The following DHX8 variants were observed in gnomAD, a reference collection of about 807,000 sequenced individuals.
DHX8 encodes the protein DEAH-box helicase 8, also known as ATP-dependent RNA helicase DHX8.
DHX8 carries 67 observed loss-of-function variants against 140.7 expected under a neutral mutation model. The ratio of observed to expected loss-of-function variants is 0.48; its 90% confidence interval spans 0.39 to 0.58. The LOEUF is 0.58. DHX8 is among the 20% of genes least tolerant of loss of function. The probability of loss-of-function intolerance (pLI) is 0.00; values close to 1 mark genes in which losing one functional copy is unlikely to be tolerated. For synonymous variants in DHX8, 533 were observed against 553.2 expected, an observed-to-expected ratio of 0.96 and a Z score of 0.51; for missense variants, 887 against 1,550.7, an observed-to-expected ratio of 0.57 and a Z score of 7.19.
chr17:43,511,755 G>A (rs1254714268), intron 16 of DHX8, among the ~76,000 whole-genome samples: 1 of 149,936 alleles, frequency 6.7e-6, no homozygotes, highest in Non-Finnish European at 1.5e-5. Flanking sequence ...ACCACGCCTG[G>A]CAGATCCCAG....
intron 17 of DHX8, among the ~76,000 whole-genome samples, chr17:43,514,743 G>GAA (rs1189374359): frequency 6.6e-6 from 1 of 152,150 alleles, no homozygotes; most frequent in African/African-American, 2.4e-5. Context: ...TATATCAGAG[G>GAA]AAACCTGGAA....
At position 43,524,163 on chromosome 17, in the gene DHX8, T is replaced by G. The variant is rs1469998648; in HGVS notation, c.*316T>G. The G allele has an allele frequency of 8.2e-7, 1 of 1,217,670 alleles. No homozygotes were observed. Among genetic ancestry groups the G allele is most frequent in the East Asian group, 5.0e-5 (1 of 19,974 alleles). 75.4% of individuals were successfully genotyped at this position (1,217,670 alleles called of 1,614,324 possible). On this transcript the variant is annotated 3_prime_UTR_variant, in exon 23 of 23. Transcript: ENST00000262415. Reference sequence around the variant, plus strand: ...CTCCAGGATGGGAAGGTGGAGTGGGTGAGCATCTTGTGCAGGGACATGGTG... The same window carrying G: ...CTCCAGGATGGGAAGGTGGAGTGGGGGAGCATCTTGTGCAGGGACATGGTG...
chr17:43,536,092 C>G (rs1971229799), intron 2 of DHX8, among the ~76,000 whole-genome samples: 1 of 151,842 alleles, frequency 6.6e-6, no homozygotes, highest in African/African-American at 2.4e-5. Context: ...GCCTGGGTGA[C>G]AGAGCAAGAC....
intron 16 of DHX8, among the ~76,000 whole-genome samples, chr17:43,512,721 ATT>A (rs1287388999): frequency 6.6e-6 from 1 of 152,090 alleles, no homozygotes; most frequent in African/African-American, 2.4e-5. Context: ...CCCAGTGATG[ATT>A]TTTCCAAGCA....
rs1567700716 is a variant in DHX8 at position 43,523,751 on chromosome 17, A to T, written c.3567A>T (p.Leu1189=). The T allele has an allele frequency of 3.1e-6, 5 of 1,614,226 alleles. No individual in the cohort carries two copies. Among genetic ancestry groups the T allele is most frequent in the Non-Finnish European group, 4.2e-6 (5 of 1,180,042 alleles). Residue 1189 remains leucine, a synonymous_variant, in exon 23 of 23, where the codon CTA becomes CTT. Transcript: ENST00000262415. ...AFFKVSDPTK[L]SKQKKQQRLE... is the part of the protein sequence containing the mutation. ...TCAAGGTCTCAGACCCAACTAAGCT[A>T]AGCAAACAGAAGAAGCAACAGCGTC...
chr17:43,503,238 C>T (rs1969300034), intron 11 of DHX8, among the ~76,000 whole-genome samples: 1 of 152,076 alleles, frequency 6.6e-6, no homozygotes, highest in Admixed American at 6.6e-5. Flanking sequence ...TGGCTCATGC[C>T]TGTAATCCCA....
chr17:43,511,455 C>CTTTTTTTTTTTTTTTTTTTTTTTTTTTT, intron 16 of DHX8, among the ~76,000 whole-genome samples: 1 of 6,590 alleles, frequency 1.5e-4, no homozygotes, highest in Non-Finnish European at 3.1e-4. Flanking sequence ...GTGATCCCAG[C>CTTTTTTTTTTTTTTTTTTTTTTTTTTTT]ATTTTTTTTT....
chr17:43,533,613 G>A (rs1359365210), intron 2 of DHX8, among the ~76,000 whole-genome samples: 2 of 152,026 alleles, frequency 1.3e-5, no homozygotes, highest in African/African-American at 4.8e-5. Context: ...TGGTTTAGGT[G>A]GGACAGTGGG....
downstream of DHX8, chr17:43,544,747 T>G (rs1320075912): frequency 2.0e-6 from 1 of 497,588 alleles, no homozygotes; most frequent in Non-Finnish European, 3.7e-6. Context: ...TCCTCAAGCC[T>G]AGTTACACAA....
intron 16 of DHX8, among the ~76,000 whole-genome samples, chr17:43,511,290 A>C (rs1472696720): frequency 1.3e-5 from 2 of 152,196 alleles, no homozygotes; most frequent in Admixed American, 6.5e-5. Context: ...AGATCGTGCC[A>C]TTGCACTCCA....
intron 2 of DHX8, 43 bp from the exon 3 acceptor site, chr17:43,490,348 G>C: frequency 6.6e-7 from 1 of 1,513,242 alleles, no homozygotes; most frequent in Non-Finnish European, 9.2e-7. Flanking sequence ...TTTAAGCACT[G>C]ATATGGGAGC....
At position 43,492,175 on chromosome 17, in the gene DHX8, C is replaced by T. The variant is rs1968557811; in HGVS notation, c.394-8C>T. 4 of 1,612,236 alleles carry T rather than the reference C, an allele frequency of 2.5e-6. No homozygotes were observed. Among genetic ancestry groups the T allele is most frequent in the Non-Finnish European group, 2.5e-6 (3 of 1,178,322 alleles). The stretch of plus-strand genomic sequence containing the variant: ...TTTTCCTAACTTTGCCGGCCTCTAC[C>T]TCTGCAGACCATGTTGGATGAAGAT... On this transcript the variant is annotated splice_region_variant and splice_polypyrimidine_tract_variant and intron_variant, in intron 4 of 22. Coordinates refer to ENST00000262415, the MANE Select transcript of DHX8 (RefSeq NM_004941.3).
chr17:43,520,750 G>A lies in DHX8; in HGVS notation c.2938-1G>A. The A allele has an allele frequency of 1.2e-6, 2 of 1,613,994 alleles. No homozygotes were observed. The highest frequency in any genetic ancestry group is 1.7e-6 in the Non-Finnish European group (2 of 1,179,972). ...GTTGTAGTCTTTTTTTGTCCCTCTAGATGGCAGAGTTCCCTCTGGAGCCAA... is the reference window on the plus strand; with the variant it reads ...GTTGTAGTCTTTTTTTGTCCCTCTAAATGGCAGAGTTCCCTCTGGAGCCAA... On this transcript the variant is annotated splice_acceptor_variant, in intron 19 of 22. Coordinates refer to ENST00000262415, the MANE Select transcript of DHX8 (RefSeq NM_004941.3). LOFTEE classifies it high-confidence loss of function.
At chr17:43,532,606 T>C (rs1321829473) in intron 2 of DHX8, 1 of 1,433,464 alleles carries the variant, frequency 7.0e-7, no homozygotes, top group Non-Finnish European at 9.4e-7. Context: ...GTAAAAAAAC[T>C]CGGGAGACAT....
intron 3 of DHX8, among the ~76,000 whole-genome samples, chr17:43,538,140 C>CAAA (rs34924870): frequency 2.7e-5 from 3 of 110,744 alleles, no homozygotes; most frequent in Non-Finnish European, 5.6e-5. Context: ...GACTCCATTT[C>CAAA]AAAAAAAAAA....
At chr17:43,499,576 C>T (rs915440611) in intron 10 of DHX8, among the ~76,000 whole-genome samples, 1 of 152,144 alleles carries the variant, frequency 6.6e-6, no homozygotes, top group African/African-American at 2.4e-5. Flanking sequence ...TGGATCTGAT[C>T]GCTAGTTCTT....
chr17:43,500,504 T>C (rs1447508428), intron 11 of DHX8, among the ~76,000 whole-genome samples: 1 of 151,876 alleles, frequency 6.6e-6, no homozygotes, highest in African/African-American at 2.4e-5. Context: ...AAATTTACCC[T>C]TGGTTTTTCA....
At position 43,511,456 on chromosome 17, in the gene DHX8, A is replaced by ATTTTT. The variant is rs71160045; in HGVS notation, c.2503-1891_2503-1887dup. Among the ~76,000 whole-genome samples the ATTTTT allele has an allele frequency of 3.7e-4, 21 of 56,788 alleles. 4 individuals are homozygous for ATTTTT. The highest frequency in any genetic ancestry group is 2.1e-3 in the East Asian group (3 of 1,418). The allele number at this position is 56,788 out of a possible 152,430, so 37.3% of individuals were successfully genotyped here. On this transcript the variant is annotated intron_variant, in intron 16 of 22. Transcript: ENST00000262415. Reference sequence around the variant, plus strand: ...AGTGGCTTATGCCTGTGATCCCAGCATTTTTTTTTTTTTTTTTTTGAGACA... The same window carrying ATTTTT: ...AGTGGCTTATGCCTGTGATCCCAGCATTTTTTTTTTTTTTTTTTTTTTTTGAGACA...
intron 16 of DHX8, 119 bp from the exon 17 acceptor site, chr17:43,513,243 G>A (rs767147646): frequency 7.8e-5 from 88 of 1,135,056 alleles, no homozygotes; most frequent in African/African-American, 1.1e-4. Flanking sequence ...CATTTTAACC[G>A]TCTAGAGAGA....
Sources: allele counts gnomAD v4.1 joint callset (sites outside exome capture counted in the v4.1 genomes callset), GRCh38; gene constraint gnomAD v4.1.1; transcripts MANE v1.5; gene names NCBI Gene and HGNC (gene_info 2026-07-23, HGNC 2026-07-21).